Variants in KALRN observed in about 807,000 individuals in gnomAD.
KALRN encodes the protein kalirin RhoGEF kinase, also known as kalirin.
Under a neutral mutation model 353.7 loss-of-function variants are expected in KALRN, and 70 were observed. The observed-to-expected ratio is 0.20, with a 90% CI of 0.16 to 0.24. The LOEUF (loss-of-function observed/expected upper bound fraction) is 0.24. Ranked by LOEUF, KALRN falls within the 10% of genes least tolerant of loss-of-function variation. The pLI, the probability that KALRN is intolerant of heterozygous loss-of-function variation, is 1.00. For synonymous variants in KALRN, 1,391 were observed against 1,434.8 expected (o/e 0.97, Z 0.69); for missense variants, 2,791 against 3,756.7 (o/e 0.74, Z 6.72).
intron 34 of KALRN, among the ~76,000 whole-genome samples, chr3:124,621,195 C>A (rs112651196): frequency 2.6e-5 from 4 of 152,242 alleles, no homozygotes; most frequent in African/African-American, 7.2e-5. Flanking sequence ...CACATTCTGC[C>A]AGGACAGGAG....
At position 124,173,734 on chromosome 3, in the gene KALRN, G is replaced by A. The variant is rs570384766; in HGVS notation, c.74-54256G>A. 2.0e-5 allele frequency among the ~76,000 whole-genome samples: 3 copies of A among 152,284 alleles called. No individual in the cohort carries two copies. The East Asian group carries it at 5.8e-4, about 29-fold the overall frequency. The stretch of plus-strand genomic sequence containing the variant: ...TGGTTCAAGCGATTCTTCTGCCTCA[G>A]CCTCCCGAGTAGCTGGGATTACAGG... On this transcript the variant is annotated intron_variant, in intron 1 of 59. Transcript: ENST00000682506.
rs764887697 is a variant in KALRN at position 124,696,236 on chromosome 3, T to C, written c.7680T>C (p.Ser2560=). ...ATNDHGTTST[S]ATVKVQGVPA... Reference sequence around the variant, plus strand: ...ATGACCACGGGACCACATCAACGTCTGCAACAGTCAAAGTGCAAGGTACAG... The same window carrying C: ...ATGACCACGGGACCACATCAACGTCCGCAACAGTCAAAGTGCAAGGTACAG... The change falls in exon 54 of 60, where the codon TCT becomes TCC. Residue 2560 remains serine (S), a synonymous_variant. Coordinates refer to ENST00000682506, the MANE Select transcript of KALRN (RefSeq NM_001388419.1). 13 of 1,613,944 alleles carry C rather than the reference T, an allele frequency of 8.1e-6. No individual in the cohort carries two copies. Among genetic ancestry groups the C allele is most frequent in the African/African-American group, 1.3e-5 (1 of 74,932 alleles).
chr3:124,587,698 C>CTTTTTTTTTTTTTTTTTT lies in KALRN; in HGVS notation c.5182+24617_5182+24634dup. Among the ~76,000 whole-genome samples, 291 of 75,850 alleles carry CTTTTTTTTTTTTTTTTTT rather than the reference C, an allele frequency of 3.8e-3. 26 individuals carry two copies. Among genetic ancestry groups the CTTTTTTTTTTTTTTTTTT allele is most frequent in the Non-Finnish European group, 5.3e-3 (225 of 42,636 alleles). 49.8% of individuals were successfully genotyped at this position (75,850 alleles called of 152,430 possible). ...TTTTTCCCTCCACCCCCACCCTCCA[C>CTTTTTTTTTTTTTTTTTT]TTTTTTTTTTTTTTTTTTTTTTTTT... On this transcript the variant is annotated intron_variant, in intron 34 of 59. Transcript: ENST00000682506.
chr3:124,579,650 C>T (rs1009417069), intron 34 of KALRN, among the ~76,000 whole-genome samples: 2 of 152,134 alleles, frequency 1.3e-5, no homozygotes, highest in African/African-American at 4.8e-5. Context: ...CATGGGAAAC[C>T]TACCTCTCTC....
At chr3:124,294,542 T>TTTTTTTTTTTTA (rs1580622965) in intron 5 of KALRN, among the ~76,000 whole-genome samples, 1 of 141,748 alleles carries the variant, frequency 7.1e-6, no homozygotes, top group African/African-American at 2.6e-5. Flanking sequence ...TTTTTTTTTT[T>TTTTTTTTTTTTA]GAGATGGAGT....
chr3:124,482,510 T>C (rs2062089412), intron 27 of KALRN, among the ~76,000 whole-genome samples: 1 of 148,476 alleles, frequency 6.7e-6, no homozygotes, highest in Non-Finnish European at 1.5e-5. Flanking sequence ...TTTACCTTAT[T>C]GCTCTCTTTT....
intron 34 of KALRN, among the ~76,000 whole-genome samples, chr3:124,588,151 T>C (rs1165533997): frequency 1.3e-5 from 2 of 152,178 alleles, no homozygotes. Context: ...GGCAAATGCA[T>C]TTATAACTGC....
chr3:124,722,574 A>C lies in KALRN; in HGVS notation c.*3104A>C, dbSNP rs1166078970. On this transcript the variant is annotated 3_prime_UTR_variant, in exon 60 of 60. Transcript: ENST00000682506. Reference sequence around the variant, plus strand: ...TCTTGGTTCAAGAGTTCTCCACAGCAAGTTGGAAATAACAAGGAATCCCAG... The same window carrying C: ...TCTTGGTTCAAGAGTTCTCCACAGCCAGTTGGAAATAACAAGGAATCCCAG... 1 of 152,180 alleles carries C rather than the reference A, an allele frequency of 6.6e-6. No individual in the cohort carries two copies. The highest frequency in any genetic ancestry group is 6.5e-5 in the Admixed American group (1 of 15,280). The allele number at this position is 152,180 out of a possible 1,614,324, so 9.4% of individuals were successfully genotyped here. A position where few individuals can be genotyped will look rare whatever the true frequency, so the allele number is the denominator to read the frequency against.
chr3:124,155,346 C>T (rs1034364472), intron 1 of KALRN, among the ~76,000 whole-genome samples: 4 of 152,166 alleles, frequency 2.6e-5, no homozygotes, highest in Admixed American at 6.5e-5. Context: ...ACCATTCTTT[C>T]CTCACAGCAT....
chr3:124,650,751 G>A (rs1289176832), intron 37 of KALRN, 57 bp from the exon 38 acceptor site: 1 of 1,552,286 alleles, frequency 6.4e-7, no homozygotes, highest in African/African-American at 1.4e-5. Context: ...AGGACACAGG[G>A]ATTCCAAATG....
At chr3:124,467,758 G>A (rs912637790) in intron 25 of KALRN, among the ~76,000 whole-genome samples, 1 of 152,124 alleles carries the variant, frequency 6.6e-6, no homozygotes, top group African/African-American at 2.4e-5. Context: ...AAGGAGAGGT[G>A]GTGGGCAGAG....
intron 8 of KALRN, among the ~76,000 whole-genome samples, chr3:124,330,499 G>A (rs1560584037): frequency 6.6e-6 from 1 of 152,074 alleles, no homozygotes; most frequent in Non-Finnish European, 1.5e-5. Flanking sequence ...ACACAGGGTG[G>A]AGATAAGTGT....
intron 13 of KALRN, among the ~76,000 whole-genome samples, chr3:124,403,801 T>C (rs2091170466): frequency 6.6e-6 from 1 of 152,182 alleles, no homozygotes; most frequent in African/African-American, 2.4e-5. Context: ...AAAACTATGT[T>C]GGACATTGAG....
intron 34 of KALRN, among the ~76,000 whole-genome samples, chr3:124,610,913 A>G (rs1353000758): frequency 1.3e-5 from 2 of 152,100 alleles, no homozygotes; most frequent in Admixed American, 6.6e-5. Flanking sequence ...TGTGGTCCCA[A>G]TTACTGGGAA....
Position 124,536,896 on chromosome 3 carries a change from A to T in KALRN, c.4936-25947A>T, listed in dbSNP as rs150176419. Among the ~76,000 whole-genome samples, 159 of 152,312 alleles carry T rather than the reference A, an allele frequency of 1.0e-3. 1 individual carries two copies. The highest frequency in any genetic ancestry group is 3.8e-3 in the African/African-American group (157 of 41,562). On this transcript the variant is annotated intron_variant, in intron 33 of 59. Coordinates refer to ENST00000682506, the MANE Select transcript of KALRN (RefSeq NM_001388419.1). ...AGAAAGTTCAATTAAAACACTAAAA[A>T]AGATGTGAAATTTAAAAAGTAAACA...
intron 3 of KALRN, among the ~76,000 whole-genome samples, chr3:124,245,425 T>A (rs1560343988): frequency 6.6e-6 from 1 of 152,238 alleles, no homozygotes; most frequent in Non-Finnish European, 1.5e-5. Flanking sequence ...TCTTGGCTAT[T>A]GTGAATAGTG....
intron 1 of KALRN, among the ~76,000 whole-genome samples, chr3:124,037,928 G>A (rs946353800): frequency 1.3e-5 from 2 of 152,138 alleles, no homozygotes; most frequent in African/African-American, 4.8e-5. Context: ...CATGGGGGGG[G>A]CGACTCAGGG....
chr3:124,639,594 C>T (rs1360667598), intron 37 of KALRN, among the ~76,000 whole-genome samples: 2 of 152,056 alleles, frequency 1.3e-5, no homozygotes, highest in South Asian at 2.1e-4. Flanking sequence ...TTTGTGTGAT[C>T]GATGGTGTTA....
intron 1 of KALRN, among the ~76,000 whole-genome samples, chr3:124,070,263 C>T (rs12495911): frequency 0.6 from 90,638 of 151,980 alleles, 29,939 homozygotes; most frequent in Non-Finnish European, 0.75. Context: ...AACTTGCAGT[C>T]TTGAAAGTCT....
Sources: gnomAD v4.1 joint callset for allele counts (sites outside exome capture counted in the v4.1 genomes callset) on GRCh38, gnomAD v4.1.1 for gene constraint, MANE v1.5 for transcripts, NCBI Gene and HGNC (gene_info 2026-07-23, HGNC 2026-07-21) for gene names.